The following CNTN3 variants were observed in gnomAD, a reference collection of about 807,000 sequenced individuals.
CNTN3 encodes contactin-3.
CNTN3 carries 60 observed loss-of-function variants against 119.1 expected under a neutral mutation model. The ratio of observed to expected loss-of-function variants is 0.50; its 90% CI spans 0.41 to 0.62. The LOEUF is 0.62. Among genes scored for constraint, CNTN3 ranks in the 20% least tolerant of loss-of-function variants. The pLI, the probability that CNTN3 is intolerant of heterozygous loss-of-function variation, is 0.00. For missense variants in CNTN3, 1,101 were observed against 1,242.4 expected, an observed-to-expected ratio of 0.89 and a Z score of 1.71; for synonymous variants, 450 against 438.7, an observed-to-expected ratio of 1.03 and a Z score of -0.32.
intron 5 of CNTN3, among the ~76,000 whole-genome samples, chr3:74,421,421 C>T (rs1575708643): frequency 1.3e-5 from 2 of 152,096 alleles, no homozygotes; most frequent in Admixed American, 6.5e-5. Context: ...CTGCCTGCCT[C>T]GGCCTCCCAA....
intron 5 of CNTN3, among the ~76,000 whole-genome samples, chr3:74,375,092 C>G (rs553183814): frequency 3.9e-5 from 6 of 152,282 alleles, no homozygotes; most frequent in Non-Finnish European, 8.8e-5. Context: ...ATAATATGGT[C>G]TACCTATTGA....
intron 5 of CNTN3, among the ~76,000 whole-genome samples, chr3:74,413,381 A>G (rs565230409): frequency 6.6e-6 from 1 of 152,318 alleles, no homozygotes; most frequent in African/African-American, 2.4e-5. Context: ...CGAATAGTGA[A>G]AAATATCTCC....
At chr3:74,483,481 T>G (rs1702798646) in intron 4 of CNTN3, among the ~76,000 whole-genome samples, 1 of 152,054 alleles carries the variant, frequency 6.6e-6, no homozygotes, top group Non-Finnish European at 1.5e-5. Context: ...AACTGCTCAT[T>G]GCCATGCTCT....
intron 20 of CNTN3, among the ~76,000 whole-genome samples, chr3:74,282,127 A>G (rs1298027473): frequency 6.6e-6 from 1 of 152,224 alleles, no homozygotes; most frequent in East Asian, 1.9e-4. Flanking sequence ...AAATGACAGA[A>G]ACCCATCTTA....
intron 1 of CNTN3, among the ~76,000 whole-genome samples, chr3:74,592,420 T>TA (rs201019442): frequency 6.5e-4 from 99 of 151,500 alleles, no homozygotes; most frequent in Middle Eastern, 6.8e-3. Context: ...CAAGAATTGT[T>TA]AAAAAAAATA....
At chr3:74,547,192 G>A (rs1185625749) in intron 1 of CNTN3, among the ~76,000 whole-genome samples, 1 of 152,038 alleles carries the variant, frequency 6.6e-6, no homozygotes, top group Non-Finnish European at 1.5e-5. Context: ...GTTTGTCAGT[G>A]GTTTATAAAA....
chr3:74,350,987 C>T (rs1703800159), intron 11 of CNTN3, among the ~76,000 whole-genome samples: 1 of 152,132 alleles, frequency 6.6e-6, no homozygotes, highest in South Asian at 2.1e-4. Context: ...ACCATGTTCA[C>T]TATATTTGGG....
At chr3:74,294,928 C>T (rs1336231208) in intron 19 of CNTN3, among the ~76,000 whole-genome samples, 193 bp downstream of exon 19, 2 of 152,184 alleles carry the variant, frequency 1.3e-5, no homozygotes, top group African/African-American at 4.8e-5. Context: ...TCCTTTTCTA[C>T]TCCAACTAAT....
intron 1 of CNTN3, among the ~76,000 whole-genome samples, chr3:74,585,510 CAAGT>C (rs1704578738): frequency 6.6e-6 from 1 of 152,076 alleles, no homozygotes; most frequent in South Asian, 2.1e-4. Context: ...TAAAGTATTA[CAAGT>C]AAGTGACCAT....
chr3:74,540,277 A>G (rs1387993769), intron 1 of CNTN3, among the ~76,000 whole-genome samples: 1 of 152,168 alleles, frequency 6.6e-6, no homozygotes, highest in Non-Finnish European at 1.5e-5. Flanking sequence ...GAATAGGTGT[A>G]AGGAACAGTT....
intron 4 of CNTN3, among the ~76,000 whole-genome samples, chr3:74,454,011 T>A (rs1406024312): frequency 6.1e-5 from 9 of 148,734 alleles, no homozygotes; most frequent in Non-Finnish European, 1.2e-4. Flanking sequence ...GAGAGTTCTG[T>A]AGATGTCTAT....
At chr3:74,403,779 G>C (rs919813552) in intron 5 of CNTN3, among the ~76,000 whole-genome samples, 1 of 152,024 alleles carries the variant, frequency 6.6e-6, no homozygotes. Flanking sequence ...ATTCTTATTT[G>C]TGTGTAAATT....
At chr3:74,535,250 C>T (rs1333589098) in intron 1 of CNTN3, among the ~76,000 whole-genome samples, 1 of 151,942 alleles carries the variant, frequency 6.6e-6, no homozygotes, top group Non-Finnish European at 1.5e-5. Flanking sequence ...GAATTCACAC[C>T]TATTAGGGGC....
intron 11 of CNTN3, among the ~76,000 whole-genome samples, chr3:74,341,582 G>A (rs1385488245): frequency 6.6e-6 from 1 of 152,046 alleles, no homozygotes; most frequent in Non-Finnish European, 1.5e-5. Context: ...TGTAGTAGGA[G>A]GTTAATTATT....
chr3:74,471,509 C>A (rs1347780355), intron 4 of CNTN3, among the ~76,000 whole-genome samples: 1 of 152,128 alleles, frequency 6.6e-6, no homozygotes, highest in Non-Finnish European at 1.5e-5. Context: ...AATCCTTGAT[C>A]CTCTCTAGCC....
chr3:74,438,300 A>C (rs2106923151), intron 4 of CNTN3, among the ~76,000 whole-genome samples: 1 of 152,306 alleles, frequency 6.6e-6, no homozygotes, highest in East Asian at 1.9e-4. Flanking sequence ...ATTTTGCACA[A>C]ATTTCTTAGA....
At chr3:74,297,207 C>T (rs143020507) in intron 18 of CNTN3, among the ~76,000 whole-genome samples, 1,927 of 152,250 alleles carry the variant, frequency 0.013, 12 homozygotes, top group Non-Finnish European at 0.021. Flanking sequence ...ACTAGGGTAG[C>T]TCCAAGGGGT....
chr3:74,387,181 T>C (rs987618391), intron 5 of CNTN3, among the ~76,000 whole-genome samples: 1 of 152,188 alleles, frequency 6.6e-6, no homozygotes, highest in Non-Finnish European at 1.5e-5. Context: ...AGTATTTTGC[T>C]GCAATTTTTG....
At chr3:74,278,203 C>G (rs931911272) in intron 20 of CNTN3, among the ~76,000 whole-genome samples, 1 of 151,962 alleles carries the variant, frequency 6.6e-6, no homozygotes, top group Non-Finnish European at 1.5e-5. Flanking sequence ...AAACAATCTA[C>G]AAATTCAATG....
Sources: allele counts gnomAD v4.1 joint callset (sites outside exome capture counted in the v4.1 genomes callset), GRCh38; gene constraint gnomAD v4.1.1; transcripts MANE v1.5; gene names NCBI Gene and HGNC (gene_info 2026-07-23, HGNC 2026-07-21).